GRM4: variants seen among roughly 807,000 people sequenced by gnomAD.
The protein encoded by GRM4 is metabotropic glutamate receptor 4.
GRM4 carries 28 observed loss-of-function variants against 81.7 expected under a neutral mutation model. That is an observed-to-expected ratio of 0.34 (90% CI 0.25 to 0.47). The LOEUF (loss-of-function observed/expected upper bound fraction) is 0.47. Among genes scored for constraint, GRM4 ranks in the 20% least tolerant of loss-of-function variants. The probability of loss-of-function intolerance (pLI) is 1.00; values close to 1 mark genes in which losing one functional copy is unlikely to be tolerated. For missense variants in GRM4, 948 were observed against 1,290.0 expected (o/e 0.73, Z 4.06); for synonymous variants, 488 against 528.8 (o/e 0.92, Z 1.06).
In GRM4 at chr6:34,028,125, G is replaced by A. The variant is rs767070176; in HGVS notation, c.2684C>T (p.Ala895Val). 92 of 1,611,508 alleles carry A rather than the reference G, an allele frequency of 5.7e-5. No individual in the cohort carries two copies. Among genetic ancestry groups the A allele is most frequent in the Non-Finnish European group, 7.7e-5 (91 of 1,178,748 alleles). The change falls in exon 10 of 11, where the codon GCC (alanine) becomes GTC (valine). Residue 895 changes from alanine to valine, a missense_variant. Coordinates refer to ENST00000538487, the MANE Select transcript of GRM4 (RefSeq NM_000841.4). ...AKSELCENLE[A>V]PALATKQTYV... ...GAACGGGGCCAGGCACTCACCTGGG[G>A]CCTCAAGGTTCTCGCAGAGCTCAGA...
At chr6:34,061,709 T>C in intron 4 of GRM4, 184 bp downstream of exon 4, 1 of 576,352 alleles carries the variant, frequency 1.7e-6, no homozygotes, top group South Asian at 2.5e-5. Flanking sequence ...GAGTGCCCCA[T>C]AGCAGTAGCT....
chr6:34,045,286 AG>A (rs1204991248), intron 6 of GRM4, among the ~76,000 whole-genome samples: 1 of 152,238 alleles, frequency 6.6e-6, no homozygotes, highest in African/African-American at 2.4e-5. Context: ...GCTCCTCAGC[AG>A]GTGACTCTGC....
intron 2 of GRM4, among the ~76,000 whole-genome samples, chr6:34,131,880 G>A (rs1208314997): frequency 1.3e-5 from 2 of 151,942 alleles, no homozygotes; most frequent in East Asian, 3.9e-4. Flanking sequence ...GGTGAGGGAG[G>A]GACCAAGCAG....
chr6:34,131,928 TCTC>T (rs1382498212), intron 2 of GRM4, among the ~76,000 whole-genome samples: 1 of 151,276 alleles, frequency 6.6e-6, no homozygotes, highest in Non-Finnish European at 1.5e-5. Context: ...CTCCCCATTC[TCTC>T]CTCCCCTCCC....
In GRM4 at chr6:34,133,670, A is replaced by G. The variant is rs1237766224; in HGVS notation, c.-174T>C. ...CTCCCACCTCCTTGTCACTCGGGCCAAGCACAGTTGCCCGCACAGTCCAGG... is the reference window on the plus strand; with the variant it reads ...CTCCCACCTCCTTGTCACTCGGGCCGAGCACAGTTGCCCGCACAGTCCAGG... On this transcript the variant is annotated 5_prime_UTR_variant, in exon 2 of 11. Coordinates refer to ENST00000538487, the MANE Select transcript of GRM4 (RefSeq NM_000841.4). The surrounding 1 kb of genome is among the most constrained non-coding windows in gnomAD (Gnocchi z 6.5). 63 of 1,415,550 alleles carry G rather than the reference A, an allele frequency of 4.5e-5. No individual in the cohort carries two copies. Among genetic ancestry groups the G allele is most frequent in the Non-Finnish European group, 5.0e-5 (54 of 1,090,806 alleles). The allele number at this position is 1,415,550 out of a possible 1,614,324, so 87.7% of individuals were successfully genotyped here.
chr6:34,036,186 G>C lies in GRM4; in HGVS notation c.1924C>G (p.Leu642Val). 6.2e-7 allele frequency: 1 copy of C among 1,614,220 alleles called. No individual in the cohort carries two copies. Among genetic ancestry groups the C allele is most frequent in the Non-Finnish European group, 8.5e-7 (1 of 1,180,014 alleles). The change falls in exon 9 of 11, where the codon CTC becomes GTC. Residue 642 changes from leucine (L) to valine (V), a missense_variant. Leu to Val is a conservative substitution (Grantham distance 32). Transcript: ENST00000538487. This position sits in a 1 kb window ranked among gnomAD's most constrained non-coding sequence, Gnocchi z 9.0. Reference protein sequence around the residue: ...GIFLCYATTFLMIAEPDLGTC... With the variant: ...GIFLCYATTFVMIAEPDLGTC... ...CCAAGGTCGGGCTCAGCGATCATGAGGAAGGTGGTGGCATAGCACAGGAAG... is the reference window on the plus strand; with the variant it reads ...CCAAGGTCGGGCTCAGCGATCATGACGAAGGTGGTGGCATAGCACAGGAAG...
intron 1 of GRM4, among the ~76,000 whole-genome samples, chr6:34,151,307 C>T (rs1322935380): frequency 6.6e-6 from 1 of 152,172 alleles, no homozygotes; most frequent in Non-Finnish European, 1.5e-5. Context: ...GACTCTTTCT[C>T]CTCCTCCTTC....
chr6:34,040,967 G>A (rs562485251), intron 6 of GRM4, among the ~76,000 whole-genome samples: 3 of 152,272 alleles, frequency 2.0e-5, no homozygotes, highest in South Asian at 2.1e-4. Flanking sequence ...AGGGTCCACC[G>A]GCCTGGACAC....
At chr6:34,128,223 G>A (rs566809952) in intron 2 of GRM4, among the ~76,000 whole-genome samples, 18 of 152,316 alleles carry the variant, frequency 1.2e-4, no homozygotes, top group African/African-American at 4.1e-4. Flanking sequence ...ACCGTCTGTC[G>A]CTGCCTGCCC....
At chr6:34,145,237 C>G (rs1288533492) in intron 1 of GRM4, among the ~76,000 whole-genome samples, 1 of 151,556 alleles carries the variant, frequency 6.6e-6, no homozygotes, top group Non-Finnish European at 1.5e-5. Context: ...GGACCCAGCG[C>G]GCCGCGGAGC....
rs554923022 is a variant in GRM4, at chr6:34,114,890, A to G, written c.519+18088T>C. 9.2e-5 allele frequency among the ~76,000 whole-genome samples: 14 copies of G among 152,322 alleles called. No homozygotes were observed. In the South Asian group the frequency reaches 2.9e-3, roughly 32 times the overall value. On this transcript the variant is annotated intron_variant, in intron 2 of 10. Transcript: ENST00000538487. The surrounding 1 kb of genome is among the most constrained non-coding windows in gnomAD (Gnocchi z 4.3). Reference sequence around the variant, plus strand: ...GCCCATCCCCACCACCTGCTCCAGTATCTTGCACAAACTTGGAGCTCCATA... The same window carrying G: ...GCCCATCCCCACCACCTGCTCCAGTGTCTTGCACAAACTTGGAGCTCCATA...
At position 34,035,585 on chromosome 6, in the gene GRM4, G is replaced by C; in HGVS notation, c.2442+83C>G. On this transcript the variant is annotated intron_variant, in intron 9 of 10. Coordinates refer to ENST00000538487, the MANE Select transcript of GRM4 (RefSeq NM_000841.4). The surrounding 1 kb of genome is among the most constrained non-coding windows in gnomAD (Gnocchi z 6.6). ...GAAAGAAGGCATTTCTGGAGCAGGG[G>C]GGAGGCCAGCCAGCCTCAGGAGGCT... is the stretch of plus-strand genomic sequence containing the variant. 1.4e-6 allele frequency: 1 copy of C among 709,106 alleles called. No individual in the cohort carries two copies. The highest frequency in any genetic ancestry group is 2.0e-5 in the South Asian group (1 of 49,472). 43.9% of individuals were successfully genotyped at this position (709,106 alleles called of 1,614,324 possible). A position where few individuals can be genotyped will look rare whatever the true frequency, so the allele number is the denominator to read the frequency against.
rs540173524 is a variant in GRM4, at chr6:34,028,215, G to A, written c.2594C>T (p.Thr865Met). ...KRKRSLKAVVTAATMSNKFTQ... is the reference protein window; with the variant it reads ...KRKRSLKAVVMAATMSNKFTQ... Reference sequence around the variant, plus strand: ...GAACTTGTTGGACATGGTGGCCGCCGTAACGACGGCTTTGAGGCTGCGCTT... The same window carrying A: ...GAACTTGTTGGACATGGTGGCCGCCATAACGACGGCTTTGAGGCTGCGCTT... The change falls in exon 10 of 11, where the codon ACG becomes ATG. Residue 865 changes from threonine to methionine, a missense_variant. Thr to Met is a moderately conservative substitution (Grantham distance 81, BLOSUM62 -1). Transcript: ENST00000538487. The A allele has an allele frequency of 2.7e-5, 44 of 1,614,104 alleles. No homozygotes were observed. Among genetic ancestry groups the A allele is most frequent in the Non-Finnish European group, 3.2e-5 (38 of 1,180,020 alleles).
chr6:34,132,312 TCA>T (rs2127510820), intron 2 of GRM4, among the ~76,000 whole-genome samples: 1 of 152,184 alleles, frequency 6.6e-6, no homozygotes, highest in South Asian at 2.1e-4. Context: ...CTCTCAGGCC[TCA>T]GTTTTCCCGT....
Position 34,074,271 on chromosome 6 carries a change from C to G in GRM4, c.737-12243G>C, listed in dbSNP as rs79349278. 0.082 allele frequency among the ~76,000 whole-genome samples: 12,475 copies of G among 152,302 alleles called. 1,094 individuals carry two copies. The highest frequency in any genetic ancestry group is 0.21 in the African/African-American group (8,739 of 41,546). ...GCCACGTTGCCCACTCTCCAACCCT[C>G]CATTTCCCCATCTGTGAAATGGGAT... On this transcript the variant is annotated intron_variant, in intron 3 of 10. Transcript: ENST00000538487. The surrounding 1 kb of genome is among the most constrained non-coding windows in gnomAD (Gnocchi z 4.9).
intron 3 of GRM4, among the ~76,000 whole-genome samples, chr6:34,087,197 T>A (rs1288233446): frequency 6.6e-6 from 1 of 151,204 alleles, no homozygotes; most frequent in Non-Finnish European, 1.5e-5. Context: ...GGCGGGTGGA[T>A]CACCTGAAGT....
intron 9 of GRM4, among the ~76,000 whole-genome samples, chr6:34,033,547 A>T (rs146874982): frequency 0.016 from 2,419 of 152,246 alleles, 22 homozygotes; most frequent in East Asian, 0.023. Flanking sequence ...CCATGGGGCC[A>T]AACGGCCGTT....
chr6:34,095,587 G>A (rs567163563), intron 2 of GRM4, among the ~76,000 whole-genome samples: 130 of 152,330 alleles, frequency 8.5e-4, no homozygotes, highest in Non-Finnish European at 1.4e-3. Context: ...CTGGCAGGCG[G>A]TAAGCACTAA....
chr6:34,153,077 C>T (rs1485726631), intron 1 of GRM4, among the ~76,000 whole-genome samples: 2 of 152,216 alleles, frequency 1.3e-5, no homozygotes, highest in African/African-American at 2.4e-5. Flanking sequence ...TGAGCCCCTG[C>T]GGTGCGACCC....
Sources: allele counts gnomAD v4.1 joint callset (sites outside exome capture counted in the v4.1 genomes callset), GRCh38; gene constraint gnomAD v4.1.1; non-coding constraint Gnocchi (gnomAD v3.1); transcripts MANE v1.5; gene names NCBI Gene and HGNC (gene_info 2026-07-23, HGNC 2026-07-21).